Variants in ELOVL6 observed in about 807,000 individuals in gnomAD.
The protein encoded by ELOVL6 is very long chain fatty acid elongase 6.
In ELOVL6, 8 loss-of-function variants were observed where a neutral mutation model predicts 31.7. That is an observed-to-expected ratio of 0.25 (90% CI 0.15 to 0.45). ELOVL6 has a LOEUF of 0.45. Among genes scored for constraint, ELOVL6 ranks in the 20% least tolerant of loss-of-function variants. The probability of loss-of-function intolerance (pLI) is 1.00; values close to 1 mark genes in which losing one functional copy is unlikely to be tolerated. For synonymous variants in ELOVL6, 101 were observed against 117.7 expected, an observed-to-expected ratio of 0.86 and a Z score of 0.92; for missense variants, 126 against 326.4, an observed-to-expected ratio of 0.39 and a Z score of 4.73.
intron 2 of ELOVL6, among the ~76,000 whole-genome samples, chr4:110,077,530 T>C (rs535730221): frequency 3.9e-4 from 59 of 152,320 alleles, no homozygotes; most frequent in African/African-American, 1.4e-3. Flanking sequence ...CTGTGGGTCC[T>C]GACTGTTAGA....
chr4:110,110,077 C>G (rs963851866), intron 1 of ELOVL6, among the ~76,000 whole-genome samples: 1 of 152,076 alleles, frequency 6.6e-6, no homozygotes, highest in Non-Finnish European at 1.5e-5. Context: ...ACTGGTGCAC[C>G]CCCCTCCTCT....
chr4:110,175,639 A>G (rs1759080893), intron 1 of ELOVL6, among the ~76,000 whole-genome samples: 1 of 152,228 alleles, frequency 6.6e-6, no homozygotes, highest in Non-Finnish European at 1.5e-5. Flanking sequence ...ACTATGCTTT[A>G]TAGAAGACTT....
rs1754738523 is a variant in ELOVL6 at position 110,047,903 on chromosome 4, A to AG, written c.*3434_*3435insC. On this transcript the variant is annotated 3_prime_UTR_variant, in exon 4 of 4. Transcript: ENST00000302274. Reference sequence around the variant, plus strand: ...AAGAATCCACCTCAAAAAAAAAAAAAAAAAAAAAAAGAAAGACATTCTGTG... The same window carrying AG: ...AAGAATCCACCTCAAAAAAAAAAAAAGAAAAAAAAAAGAAAGACATTCTGTG... 6.6e-6 allele frequency: 1 copy of AG among 151,480 alleles called. No homozygotes were observed. The highest frequency in any genetic ancestry group is 1.5e-5 in the Non-Finnish European group (1 of 67,946). 9.4% of individuals were successfully genotyped at this position (151,480 alleles called of 1,614,324 possible). A position where few individuals can be genotyped will look rare whatever the true frequency, so the allele number is the denominator to read the frequency against.
chr4:110,080,776 C>A (rs1755817088), intron 2 of ELOVL6, among the ~76,000 whole-genome samples: 1 of 152,012 alleles, frequency 6.6e-6, no homozygotes, highest in Non-Finnish European at 1.5e-5. Flanking sequence ...AAAGGGTATT[C>A]AATTAGGAAA....
At chr4:110,131,152 C>T (rs978456923) in intron 1 of ELOVL6, among the ~76,000 whole-genome samples, 1 of 152,222 alleles carries the variant, frequency 6.6e-6, no homozygotes, top group East Asian at 1.9e-4. Flanking sequence ...CGTTGATGTT[C>T]TAATCCCTGT....
intron 1 of ELOVL6, 128 bp downstream of exon 1, chr4:110,198,119 T>A: frequency 2.0e-6 from 1 of 504,390 alleles, no homozygotes; most frequent in Non-Finnish European, 3.7e-6. Flanking sequence ...ACCCGAGAAC[T>A]CAGCGATCAG....
intron 1 of ELOVL6, among the ~76,000 whole-genome samples, chr4:110,178,802 C>T (rs1027409245): frequency 7.9e-5 from 12 of 151,934 alleles, no homozygotes; most frequent in South Asian, 6.2e-4. Context: ...GCAGCAGCCT[C>T]GGTGACAGAG....
intron 2 of ELOVL6, among the ~76,000 whole-genome samples, chr4:110,083,981 C>CAT: frequency 0.049 from 425 of 8,742 alleles, 83 homozygotes; most frequent in East Asian, 0.19. Flanking sequence ...TAACATATGC[C>CAT]ATATACGATA....
intron 2 of ELOVL6, among the ~76,000 whole-genome samples, chr4:110,088,361 C>T (rs1035892308): frequency 5.9e-5 from 9 of 152,204 alleles, no homozygotes; most frequent in Non-Finnish European, 1.3e-4. Flanking sequence ...AACGGGGACA[C>T]ATTCCAAGAC....
intron 1 of ELOVL6, among the ~76,000 whole-genome samples, chr4:110,186,815 AAAAAAAAATAT>A (rs1209648977): frequency 4.8e-4 from 58 of 120,062 alleles, no homozygotes; most frequent in Middle Eastern, 4.0e-3. Context: ...AAAAAAAAAA[AAAAAAAAATAT>A]ATATATATAT....
At chr4:110,146,980 A>C (rs1421236269) in intron 1 of ELOVL6, 2 of 152,114 alleles carry the variant, frequency 1.3e-5, no homozygotes, top group Non-Finnish European at 2.9e-5. Context: ...ACAGACTGAG[A>C]CTCTGTCTCA....
chr4:110,086,597 A>T lies in ELOVL6; in HGVS notation c.221+18900T>A, dbSNP rs77210377. On this transcript the variant is annotated intron_variant, in intron 2 of 3. Coordinates refer to ENST00000302274, the MANE Select transcript of ELOVL6 (RefSeq NM_024090.3). Reference sequence around the variant, plus strand: ...GAAGTTCCTAAGTGTGATTTTGATGACTCCTGTGCTGTTATTTTAATGACC... The same window carrying T: ...GAAGTTCCTAAGTGTGATTTTGATGTCTCCTGTGCTGTTATTTTAATGACC... 5.6e-3 allele frequency among the ~76,000 whole-genome samples: 847 copies of T among 152,100 alleles called. 8 individuals are homozygous for T. Among genetic ancestry groups the T allele is most frequent in the Non-Finnish European group, 8.6e-3 (584 of 68,006 alleles).
At chr4:110,084,134 A>ATATATAACATAT (rs1372065552) in intron 2 of ELOVL6, among the ~76,000 whole-genome samples, 1,764 of 45,690 alleles carry the variant, frequency 0.039, 115 homozygotes, top group South Asian at 0.051. Flanking sequence ...TATATGTGAT[A>ATATATAACATAT]ATGATATATA....
At chr4:110,171,330 A>C (rs1369803225) in intron 1 of ELOVL6, among the ~76,000 whole-genome samples, 3 of 151,954 alleles carry the variant, frequency 2.0e-5, no homozygotes, top group African/African-American at 7.3e-5. Context: ...AATCGCTTGA[A>C]CCTGGGAATC....
Position 110,080,295 on chromosome 4 carries a change from GAA to G in ELOVL6, c.222-20543_222-20542del, listed in dbSNP as rs1287581130. ...CTGGCAGAAACAAAACAAAAAAAGA[GAA>G]TTTTAGACCAATATCCCTGATGAAC... On this transcript the variant is annotated intron_variant, in intron 2 of 3. Transcript: ENST00000302274. 3.3e-5 allele frequency among the ~76,000 whole-genome samples: 5 copies of G among 152,180 alleles called. No individual in the cohort carries two copies. The South Asian group carries it at 1.0e-3, about 32-fold the overall frequency.
At position 110,084,227 on chromosome 4, in the gene ELOVL6, T is replaced by TATATATATCATATAACTTATATG. The variant is rs1560814636; in HGVS notation, c.221+21269_221+21270insCATATAAGTTATATGATATATAT. Among the ~76,000 whole-genome samples, 8 of 100,058 alleles carry TATATATATCATATAACTTATATG rather than the reference T, an allele frequency of 8.0e-5. 1 individual carries two copies. Among genetic ancestry groups the TATATATATCATATAACTTATATG allele is most frequent in the East Asian group, 7.3e-4 (2 of 2,756 alleles). The allele number at this position is 100,058 out of a possible 152,430, so 65.6% of individuals were successfully genotyped here. The stretch of plus-strand genomic sequence containing the variant: ...TATATATAACATATAACTTATATGA[T>TATATATATCATATAACTTATATG]ATATATAACATATATGATATATATA... On this transcript the variant is annotated intron_variant, in intron 2 of 3. Transcript: ENST00000302274.
At chr4:110,094,380 CTG>C (rs1187893671) in intron 2 of ELOVL6, among the ~76,000 whole-genome samples, 13 of 129,084 alleles carry the variant, frequency 1.0e-4, no homozygotes, top group African/African-American at 3.8e-4. Flanking sequence ...CAGTGAGACT[CTG>C]TTTCTATTTT....
At chr4:110,118,071 G>C (rs1757240485) in intron 1 of ELOVL6, 1 of 142,506 alleles carries the variant, frequency 7.0e-6, no homozygotes, top group African/African-American at 2.6e-5. Context: ...TGATTCTCCT[G>C]CCTCAGCCTC....
intron 1 of ELOVL6, among the ~76,000 whole-genome samples, chr4:110,144,947 C>T (rs184412048): frequency 6.6e-6 from 1 of 152,106 alleles, no homozygotes; most frequent in African/African-American, 2.4e-5. Flanking sequence ...TTTTTCTGGT[C>T]TGATTTGTAC....
Sources: gnomAD v4.1 joint callset for allele counts (sites outside exome capture counted in the v4.1 genomes callset) on GRCh38, gnomAD v4.1.1 for gene constraint, MANE v1.5 for transcripts, NCBI Gene and HGNC (gene_info 2026-07-23, HGNC 2026-07-21) for gene names.